Variants in IGSF9B observed in about 807,000 individuals in gnomAD.
The protein encoded by IGSF9B is protein turtle homolog B.
A neutral mutation model predicts 143.7 loss-of-function variants in IGSF9B; 48 were observed. The ratio of observed to expected loss-of-function variants is 0.33; its 90% confidence interval spans 0.26 to 0.42. The LOEUF is 0.42. Among genes scored for constraint, IGSF9B ranks in the 20% least tolerant of loss-of-function variants. The probability of loss-of-function intolerance (pLI) is 1.00; values close to 1 mark genes in which losing one functional copy is unlikely to be tolerated. For missense variants in IGSF9B, 1,706 were observed against 1,980.0 expected (o/e 0.86, Z 2.63); for synonymous variants, 903 against 833.1 (o/e 1.08, Z -1.44).
chr11:133,906,127 G>T lies in IGSF9B; in HGVS notation c.*2942C>A, dbSNP rs1323356817. Among the ~76,000 whole-genome samples the T allele has an allele frequency of 2.0e-5, 3 of 152,346 alleles. No homozygotes were observed. In the East Asian group the frequency reaches 5.8e-4, roughly 29 times the overall value. ...AGGCGTGATCTCCTACAGAGTGAGT[G>T]CCGAAGTCCTAAGAAGCTGATCAGT... On this transcript the variant is annotated 3_prime_UTR_variant, in exon 20 of 20. Coordinates refer to ENST00000533871, the MANE Select transcript of IGSF9B (RefSeq NM_001277285.4).
rs1591717537 is a variant in IGSF9B, at chr11:133,931,362, G to C, written c.1368+91C>G. The C allele has an allele frequency of 6.2e-6, 6 of 964,190 alleles. No individual in the cohort carries two copies. In the East Asian group the frequency reaches 1.0e-4, roughly 16 times the overall value. The allele number at this position is 964,190 out of a possible 1,614,324, so 59.7% of individuals were successfully genotyped here. ...CCCTCACACCTCCCCTCAGCCCCGGGGCTCGCTGGGCCCTCAAACCTCCCC... is the reference window on the plus strand; with the variant it reads ...CCCTCACACCTCCCCTCAGCCCCGGCGCTCGCTGGGCCCTCAAACCTCCCC... On this transcript the variant is annotated intron_variant, in intron 10 of 19. Transcript: ENST00000533871. This position sits in a 1 kb window ranked among gnomAD's most constrained non-coding sequence, Gnocchi z 7.7.
At position 133,900,452 on chromosome 11, in the gene IGSF9B, T is replaced by C. The variant is rs1939101793; in HGVS notation, c.*8617A>G. 6.6e-6 allele frequency: 1 copy of C among 152,600 alleles called. No individual in the cohort carries two copies. Among genetic ancestry groups the C allele is most frequent in the African/African-American group, 2.4e-5 (1 of 41,370 alleles). 9.5% of individuals were successfully genotyped at this position (152,600 alleles called of 1,614,324 possible). On this transcript the variant is annotated 3_prime_UTR_variant, in exon 20 of 20. Coordinates refer to ENST00000533871, the MANE Select transcript of IGSF9B (RefSeq NM_001277285.4). ...CATATGTGTGAGGTCTGGAATTTGCTCAGAGAGGTATTCTTCAGGGCACAC... is the reference window on the plus strand; with the variant it reads ...CATATGTGTGAGGTCTGGAATTTGCCCAGAGAGGTATTCTTCAGGGCACAC...
Position 133,920,794 on chromosome 11 carries a change from C to A in IGSF9B, c.2931G>T (p.Glu977Asp). ...YGYLSSSSPGEVEPPPFYVPE... is the reference protein window; with the variant it reads ...YGYLSSSSPGDVEPPPFYVPE... The stretch of plus-strand genomic sequence containing the variant: ...GCACGTAGAACGGGGGCGGCTCCAC[C>A]TCCCCAGGGCTGCTGCTGCTGAGGT... Residue 977 changes from glutamate (E) to aspartate (D), a missense_variant, in exon 18 of 20, where the codon GAG becomes GAT. Glu to Asp is a conservative substitution (Grantham distance 45). Transcript: ENST00000533871. 6.2e-7 allele frequency: 1 copy of A among 1,608,404 alleles called. No individual in the cohort carries two copies. Among genetic ancestry groups the A allele is most frequent in the Admixed American group, 1.7e-5 (1 of 59,618 alleles).
chr11:133,931,175 T>G lies in IGSF9B; in HGVS notation c.1369-41A>C, dbSNP rs749055851. 1 of 1,589,892 alleles carries G rather than the reference T, an allele frequency of 6.3e-7. No homozygotes were observed. Among genetic ancestry groups the G allele is most frequent in the East Asian group, 2.3e-5 (1 of 44,394 alleles). The stretch of plus-strand genomic sequence containing the variant: ...GCAGGGAAGAGGGTGGGAACAGAAA[T>G]GGGGGTTAGGAGAGAAGCCCGAAGC... On this transcript the variant is annotated intron_variant, in intron 10 of 19. Coordinates refer to ENST00000533871, the MANE Select transcript of IGSF9B (RefSeq NM_001277285.4). The surrounding 1 kb of genome is among the most constrained non-coding windows in gnomAD (Gnocchi z 7.7).
chr11:133,923,969 T>C (rs1220544584), intron 15 of IGSF9B, among the ~76,000 whole-genome samples: 1 of 152,224 alleles, frequency 6.6e-6, no homozygotes, highest in Non-Finnish European at 1.5e-5. Flanking sequence ...CACAACCTTT[T>C]TTTTTTAAAG....
intron 13 of IGSF9B, among the ~76,000 whole-genome samples, 195 bp from the exon 14 acceptor site, chr11:133,926,160 G>C (rs1440969625): frequency 6.6e-6 from 1 of 152,232 alleles, no homozygotes; most frequent in Admixed American, 6.5e-5. Flanking sequence ...AAAGGGAAGA[G>C]AAATGGGAAC....
chr11:133,932,407 G>A (rs1244255715), intron 7 of IGSF9B, among the ~76,000 whole-genome samples, 194 bp from the exon 8 acceptor site: 1 of 148,014 alleles, frequency 6.8e-6, no homozygotes, highest in Non-Finnish European at 1.5e-5. Context: ...GGGAAGCCAG[G>A]TGGGAGAGCA....
intron 2 of IGSF9B, among the ~76,000 whole-genome samples, chr11:133,944,749 G>A (rs1343128228): frequency 2.6e-5 from 4 of 152,212 alleles, no homozygotes; most frequent in African/African-American, 4.8e-5. Context: ...GCCAACAGAA[G>A]AGGATGGGTG....
intron 3 of IGSF9B, among the ~76,000 whole-genome samples, chr11:133,943,600 T>C (rs1326723888): frequency 6.6e-6 from 1 of 152,180 alleles, no homozygotes; most frequent in Non-Finnish European, 1.5e-5. Context: ...GCATTTAACC[T>C]GAGCTGTAAT....
chr11:133,932,211 G>A lies in IGSF9B; in HGVS notation c.970C>T (p.Pro324Ser). The A allele has an allele frequency of 6.4e-7, 1 of 1,557,712 alleles. No individual in the cohort carries two copies. The highest frequency in any genetic ancestry group is 8.7e-7 in the Non-Finnish European group (1 of 1,150,618). Residue 324 changes from proline to serine, a missense_variant and splice_region_variant, in exon 8 of 20, where the codon CCA becomes TCA. Physicochemically the swap from Pro to Ser is moderately conservative, Grantham distance 74 (BLOSUM62 -1). Coordinates refer to ENST00000533871, the MANE Select transcript of IGSF9B (RefSeq NM_001277285.4). ...SASAYLTVQYPARVLNMPPVI... is the reference protein window; with the variant it reads ...SASAYLTVQYSARVLNMPPVI... ...GGGGGCATGTTGAGGACACGCGCTG[G>A]GTCTGCATAGAGGAAGCGCAGGTGA...
At chr11:133,932,415 GCAGACAGACAGACAGATACAGGGA>G (rs1350373524) in intron 7 of IGSF9B, among the ~76,000 whole-genome samples, 4 of 143,712 alleles carry the variant, frequency 2.8e-5, no homozygotes, top group Non-Finnish European at 4.5e-5. Context: ...AGGTGGGAGA[GCAGACAGACAGACAGATACAGGGA>G]CAGACAGACA....
chr11:133,936,585 A>C (rs1422335559), intron 5 of IGSF9B, among the ~76,000 whole-genome samples: 1 of 152,140 alleles, frequency 6.6e-6, no homozygotes, highest in Non-Finnish European at 1.5e-5. Context: ...GCCGAGGAGT[A>C]AGCAGAGGGT....
chr11:133,922,494 A>C (rs1939559314), intron 16 of IGSF9B, 75 bp downstream of exon 16: 20 of 1,448,840 alleles, frequency 1.4e-5, no homozygotes, highest in Non-Finnish European at 1.9e-5. Flanking sequence ...GCCATGCTAA[A>C]AATGGTCCAC....
chr11:133,955,729 G>A (rs1020753865), intron 1 of IGSF9B, among the ~76,000 whole-genome samples: 1 of 152,216 alleles, frequency 6.6e-6, no homozygotes, highest in Admixed American at 6.5e-5. Context: ...CCAGAGGCTT[G>A]TAGGTCGCTC....
intron 7 of IGSF9B, 55 bp from the exon 8 acceptor site, chr11:133,932,268 G>C: frequency 1.3e-6 from 2 of 1,511,538 alleles, no homozygotes; most frequent in Non-Finnish European, 1.8e-6. Context: ...GGGACAGACA[G>C]ACAGACACAG....
At chr11:133,956,005 G>A (rs1309665485) in intron 1 of IGSF9B, among the ~76,000 whole-genome samples, 2 of 151,896 alleles carry the variant, frequency 1.3e-5, no homozygotes, top group African/African-American at 2.4e-5. Context: ...TTGCCTGGCC[G>A]GGGCCCAGGT....
chr11:133,914,382 T>G (rs1178625647), intron 18 of IGSF9B, among the ~76,000 whole-genome samples: 46 of 151,990 alleles, frequency 3.0e-4, no homozygotes, highest in Admixed American at 3.0e-3. Flanking sequence ...AAGAAAAGCA[T>G]GGCATCCCCG....
In IGSF9B at chr11:133,913,269, C is replaced by T. The variant is rs779107710; in HGVS notation, c.3984-1262G>A. ...AAAGTCCTGATTAAAAGAGGTAGGACAGACAATGCTGTGAGGGCAAAAGAA... is the reference window on the plus strand; with the variant it reads ...AAAGTCCTGATTAAAAGAGGTAGGATAGACAATGCTGTGAGGGCAAAAGAA... On this transcript the variant is annotated intron_variant, in intron 18 of 19. Coordinates refer to ENST00000533871, the MANE Select transcript of IGSF9B (RefSeq NM_001277285.4). This position sits in a 1 kb window ranked among gnomAD's most constrained non-coding sequence, Gnocchi z 4.6. Among the ~76,000 whole-genome samples the T allele has an allele frequency of 2.0e-5, 3 of 151,968 alleles. No homozygotes were observed. The highest frequency in any genetic ancestry group is 4.4e-5 in the Non-Finnish European group (3 of 68,026).
In IGSF9B at chr11:133,900,658, A is replaced by T. The variant is rs1303809398; in HGVS notation, c.*8411T>A. 3 of 152,530 alleles carry T rather than the reference A, an allele frequency of 2.0e-5. 1 individual carries two copies. The highest frequency in any genetic ancestry group is 3.2e-3 in the Middle Eastern group (1 of 314). The allele number at this position is 152,530 out of a possible 1,614,324, so 9.4% of individuals were successfully genotyped here. A position where few individuals can be genotyped will look rare whatever the true frequency, so the allele number is the denominator to read the frequency against. On this transcript the variant is annotated 3_prime_UTR_variant, in exon 20 of 20. Transcript: ENST00000533871. Reference sequence around the variant, plus strand: ...ATCTCTCCCTCCTCATCCTCCACTCAGTGTCCCAGGATTGGAGCATCCTAT... The same window carrying T: ...ATCTCTCCCTCCTCATCCTCCACTCTGTGTCCCAGGATTGGAGCATCCTAT...
Sources: allele counts gnomAD v4.1 joint callset (sites outside exome capture counted in the v4.1 genomes callset), GRCh38; gene constraint gnomAD v4.1.1; non-coding constraint Gnocchi (gnomAD v3.1); transcripts MANE v1.5; gene names NCBI Gene and HGNC (gene_info 2026-07-23, HGNC 2026-07-21).